The following CADM2 variants were observed in gnomAD, a reference collection of about 807,000 sequenced individuals.
The protein encoded by CADM2 is immunoglobulin superfamily member 4D.
CADM2 carries 12 observed loss-of-function variants against 49.8 expected under a neutral mutation model. The observed-to-expected ratio is 0.24, with a 90% CI of 0.15 to 0.39. The LOEUF (loss-of-function observed/expected upper bound fraction) is 0.39, where lower values mean the gene tolerates loss of function less well. CADM2 is among the 10% of genes least tolerant of loss of function. The probability of loss-of-function intolerance (pLI) is 1.00; values close to 1 mark genes in which losing one functional copy is unlikely to be tolerated. For synonymous variants in CADM2, 214 were observed against 175.4 expected (o/e 1.22, Z -1.74); for missense variants, 378 against 492.3 (o/e 0.77, Z 2.20).
At chr3:84,973,655 T>C (rs1196730452) in intron 1 of CADM2, among the ~76,000 whole-genome samples, 1 of 152,108 alleles carries the variant, frequency 6.6e-6, no homozygotes, top group African/African-American at 2.4e-5. Context: ...AATATTTAGT[T>C]TTTTTAGACC....
At chr3:85,070,235 G>A (rs2036675650) in intron 1 of CADM2, among the ~76,000 whole-genome samples, 1 of 152,010 alleles carries the variant, frequency 6.6e-6, no homozygotes, top group Admixed American at 6.6e-5. Flanking sequence ...TGGCGATTAT[G>A]TGGGCTAAAA....
At chr3:85,029,532 G>C (rs2034887693) in intron 1 of CADM2, among the ~76,000 whole-genome samples, 1 of 152,212 alleles carries the variant, frequency 6.6e-6, no homozygotes, top group South Asian at 2.1e-4. Context: ...ATCTTGGACA[G>C]TATGAATTTG....
At chr3:85,939,778 A>C in intron 7 of CADM2, among the ~76,000 whole-genome samples, 1 of 142,652 alleles carries the variant, frequency 7.0e-6, no homozygotes. Context: ...GGTAACCACA[A>C]TTTTTCTTTT....
chr3:85,626,514 A>G (rs951204625), intron 1 of CADM2, among the ~76,000 whole-genome samples: 6 of 152,006 alleles, frequency 3.9e-5, no homozygotes, highest in African/African-American at 1.4e-4. Flanking sequence ...TGCTATTTCT[A>G]GGTGGATATT....
At chr3:85,410,297 T>G (rs1270933283) in intron 1 of CADM2, among the ~76,000 whole-genome samples, 3 of 152,198 alleles carry the variant, frequency 2.0e-5, no homozygotes, top group Non-Finnish European at 4.4e-5. Flanking sequence ...TATGCCAGAG[T>G]CATGCTAAAC....
At chr3:85,549,258 G>C (rs1006351485) in intron 1 of CADM2, among the ~76,000 whole-genome samples, 7 of 152,124 alleles carry the variant, frequency 4.6e-5, no homozygotes, top group African/African-American at 1.7e-4. Flanking sequence ...TAACAGTAGT[G>C]GGATGAAAGT....
At chr3:85,398,708 T>C (rs1446952960) in intron 1 of CADM2, among the ~76,000 whole-genome samples, 1 of 152,210 alleles carries the variant, frequency 6.6e-6, no homozygotes, top group Non-Finnish European at 1.5e-5. Flanking sequence ...GTAACTGGTG[T>C]GAGATGGCAT....
At chr3:85,596,404 GA>G (rs1487109227) in intron 1 of CADM2, among the ~76,000 whole-genome samples, 3 of 151,872 alleles carry the variant, frequency 2.0e-5, no homozygotes, top group Non-Finnish European at 2.9e-5. Flanking sequence ...GTATTTAGAA[GA>G]AAAAAGTAAT....
intron 1 of CADM2, among the ~76,000 whole-genome samples, chr3:85,644,986 A>G (rs1171036996): frequency 1.3e-5 from 2 of 152,066 alleles, no homozygotes; most frequent in African/African-American, 2.4e-5. Context: ...CTAATGAAGT[A>G]TGTTTTTTTA....
At chr3:85,328,846 C>A (rs919763334) in intron 1 of CADM2, among the ~76,000 whole-genome samples, 3 of 147,322 alleles carry the variant, frequency 2.0e-5, no homozygotes, top group African/African-American at 7.5e-5. Flanking sequence ...TTCTTATATT[C>A]TATAATTTTA....
chr3:85,303,801 C>T (rs1173219450), intron 1 of CADM2, among the ~76,000 whole-genome samples: 1 of 151,738 alleles, frequency 6.6e-6, no homozygotes, highest in Non-Finnish European at 1.5e-5. Context: ...ACATTAAATT[C>T]GGATTCTTCG....
chr3:85,395,510 A>G (rs2034738820), intron 1 of CADM2, among the ~76,000 whole-genome samples: 1 of 152,190 alleles, frequency 6.6e-6, no homozygotes, highest in African/African-American at 2.4e-5. Flanking sequence ...AATATAAATG[A>G]AACGATACCA....
At chr3:85,249,635 A>T (rs2042728857) in intron 1 of CADM2, among the ~76,000 whole-genome samples, 1 of 152,032 alleles carries the variant, frequency 6.6e-6, no homozygotes, top group Non-Finnish European at 1.5e-5. Context: ...AATATGTGAC[A>T]CATTTAAAAC....
chr3:85,089,689 G>A (rs182920271), intron 1 of CADM2, among the ~76,000 whole-genome samples: 52 of 152,082 alleles, frequency 3.4e-4, no homozygotes, highest in Non-Finnish European at 6.6e-4. Context: ...ATTAGAGTAC[G>A]TCTATTTACT....
chr3:85,587,563 C>A (rs1401735808), intron 1 of CADM2, among the ~76,000 whole-genome samples: 2 of 151,944 alleles, frequency 1.3e-5, no homozygotes, highest in African/African-American at 4.8e-5. Context: ...CCCCTATGAT[C>A]CTTGGGTGTA....
chr3:85,445,137 A>G (rs982098782), intron 1 of CADM2, among the ~76,000 whole-genome samples: 8 of 152,108 alleles, frequency 5.3e-5, no homozygotes, highest in Admixed American at 2.6e-4. Context: ...TTGACGAGTA[A>G]ACCGAAACTT....
rs1006242408 is a variant in CADM2, at chr3:85,656,582, C to T, written c.62-69940C>T. Among the ~76,000 whole-genome samples, 16 of 152,224 alleles carry T rather than the reference C, an allele frequency of 1.1e-4. No homozygotes were observed. The Middle Eastern group carries it at 0.01, about 97-fold the overall frequency. ...AGTTAGCTGAGATTGCACCATTGCA[C>T]TCCAGCCTGGGTGACAGGGCGAGAT... On this transcript the variant is annotated intron_variant, in intron 1 of 9. Coordinates refer to ENST00000383699, the MANE Select transcript of CADM2 (RefSeq NM_001167675.2).
intron 8 of CADM2, among the ~76,000 whole-genome samples, chr3:86,055,624 G>A (rs1578077869): frequency 6.6e-6 from 1 of 151,854 alleles, no homozygotes; most frequent in Non-Finnish European, 1.5e-5. Context: ...ATGCCACCAT[G>A]CCTGGCTAAT....
At chr3:85,633,177 C>G (rs1000361837) in intron 1 of CADM2, among the ~76,000 whole-genome samples, 9 of 152,020 alleles carry the variant, frequency 5.9e-5, no homozygotes, top group African/African-American at 2.2e-4. Flanking sequence ...ATGTTTATTA[C>G]TGAGTAATAT....
Sources: allele counts gnomAD v4.1 joint callset (sites outside exome capture counted in the v4.1 genomes callset), GRCh38; gene constraint gnomAD v4.1.1; transcripts MANE v1.5; gene names NCBI Gene and HGNC (gene_info 2026-07-23, HGNC 2026-07-21).